Variants in ITGAE observed in about 807,000 individuals in gnomAD.
ITGAE encodes integrin alpha-E.
Under a neutral mutation model 136.5 loss-of-function variants are expected in ITGAE, and 99 were observed. The observed-to-expected ratio is 0.73, with a 90% CI of 0.62 to 0.86. ITGAE has a LOEUF of 0.86. Ranked by LOEUF, ITGAE falls within the 40% of genes least tolerant of loss-of-function variation. The pLI, the probability that ITGAE is intolerant of heterozygous loss-of-function variation, is 0.00. For synonymous variants in ITGAE, 613 were observed against 591.8 expected (o/e 1.04, Z -0.52); for missense variants, 1,447 against 1,515.3 (o/e 0.95, Z 0.75).
At position 3,798,426 on chromosome 17, in the gene ITGAE, C is replaced by G. The variant is rs2053174064; in HGVS notation, c.34+2685G>C. 6.6e-6 allele frequency among the ~76,000 whole-genome samples: 1 copy of G among 152,120 alleles called. No homozygotes were observed. The highest frequency in any genetic ancestry group is 2.4e-5 in the African/African-American group (1 of 41,410). ...CCCACTCACACTTCGCCTCCATCTTCCTACAAACCAGACTCTTCACACCCC... is the reference window on the plus strand; with the variant it reads ...CCCACTCACACTTCGCCTCCATCTTGCTACAAACCAGACTCTTCACACCCC... On this transcript the variant is annotated intron_variant, in intron 1 of 30. Transcript: ENST00000263087. This position sits in a 1 kb window ranked among gnomAD's most constrained non-coding sequence, Gnocchi z 4.3.
chr17:3,731,498 C>T (rs570761827), intron 22 of ITGAE, among the ~76,000 whole-genome samples: 49 of 151,816 alleles, frequency 3.2e-4, no homozygotes, highest in African/African-American at 9.4e-4. Context: ...CGCACCACCA[C>T]GCCCAGCTAA....
At chr17:3,795,640 G>A (rs1343198464) in intron 1 of ITGAE, among the ~76,000 whole-genome samples, 1 of 152,230 alleles carries the variant, frequency 6.6e-6, no homozygotes, top group African/African-American at 2.4e-5. Context: ...GGTCACAAAT[G>A]GCCTCAAGAA....
In ITGAE at chr17:3,782,274, C is replaced by CA. The variant is rs61341691; in HGVS notation, c.35-4615dup. ...CGGGTGAGAGAGTGAGACTCGGCCT[C>CA]AAAAAAAAAAAAAAAAAAAAAAAAA... On this transcript the variant is annotated intron_variant, in intron 1 of 30. Transcript: ENST00000263087. Among the ~76,000 whole-genome samples the CA allele has an allele frequency of 1.8e-3, 83 of 47,294 alleles. 6 individuals carry two copies. The highest frequency in any genetic ancestry group is 2.0e-3 in the Non-Finnish European group (59 of 28,980). 31.0% of individuals were successfully genotyped at this position (47,294 alleles called of 152,430 possible). A position where few individuals can be genotyped will look rare whatever the true frequency, so the allele number is the denominator to read the frequency against.
At chr17:3,779,648 C>T (rs533389486) in intron 1 of ITGAE, among the ~76,000 whole-genome samples, 2 of 152,132 alleles carry the variant, frequency 1.3e-5, no homozygotes, top group South Asian at 2.1e-4. Context: ...CTTTAAAATG[C>T]ATCAAAATAT....
intron 1 of ITGAE, among the ~76,000 whole-genome samples, chr17:3,791,672 T>A (rs1240008954): frequency 6.6e-6 from 1 of 152,158 alleles, no homozygotes; most frequent in Non-Finnish European, 1.5e-5. Flanking sequence ...TCTGAAACAT[T>A]AGCGTGCAAA....
intron 1 of ITGAE, among the ~76,000 whole-genome samples, chr17:3,796,708 G>A (rs2053113510): frequency 6.6e-6 from 1 of 152,016 alleles, no homozygotes. Flanking sequence ...GAGGCCTGCT[G>A]AGTCAGACCG....
At chr17:3,779,791 A>C (rs889564841) in intron 1 of ITGAE, among the ~76,000 whole-genome samples, 8 of 152,150 alleles carry the variant, frequency 5.3e-5, no homozygotes, top group Non-Finnish European at 1.2e-4. Flanking sequence ...ATATATTTGA[A>C]ATTTTTCATT....
intron 5 of ITGAE, 47 bp downstream of exon 5, chr17:3,761,353 AAGG>A (rs773796585): frequency 1.5e-5 from 24 of 1,556,640 alleles, no homozygotes; most frequent in Non-Finnish European, 2.0e-5. Flanking sequence ...CTTGGAGACC[AAGG>A]AGATCTCTTT....
At chr17:3,753,512 C>T in intron 13 of ITGAE, 82 bp from the exon 14 acceptor site, 2 of 1,511,866 alleles carry the variant, frequency 1.3e-6, no homozygotes, top group Non-Finnish European at 1.8e-6. Context: ...CCGCGTGCTT[C>T]CTGGACCACC....
At chr17:3,725,801 G>C (rs1488939274) in intron 26 of ITGAE, 1 of 1,609,160 alleles carries the variant, frequency 6.2e-7, no homozygotes, top group South Asian at 1.1e-5. Context: ...TGTCTTCCTT[G>C]GCTACTGCAA....
At chr17:3,743,369 C>T (rs2143015352) in intron 19 of ITGAE, 120 bp downstream of exon 19, 2 of 1,173,104 alleles carry the variant, frequency 1.7e-6, no homozygotes, top group Non-Finnish European at 2.4e-6. Flanking sequence ...CGGTGAGGGG[C>T]CCAAATGCCG....
intron 1 of ITGAE, among the ~76,000 whole-genome samples, chr17:3,796,155 G>A (rs1233135197): frequency 3.7e-5 from 5 of 133,552 alleles, no homozygotes; most frequent in African/African-American, 1.5e-4. Flanking sequence ...ATCCGTGTGT[G>A]TGTGTGTGTG....
chr17:3,727,467 T>C (rs1311798607), intron 26 of ITGAE, among the ~76,000 whole-genome samples: 1 of 151,698 alleles, frequency 6.6e-6, no homozygotes, highest in Non-Finnish European at 1.5e-5. Flanking sequence ...TGGCAGGATC[T>C]CGGCTCACTG....
chr17:3,776,586 T>G (rs536928655), intron 2 of ITGAE, among the ~76,000 whole-genome samples: 35 of 152,204 alleles, frequency 2.3e-4, no homozygotes, highest in African/African-American at 8.2e-4. Context: ...AGTTTCAGGG[T>G]TTTTGTTCTG....
chr17:3,738,489 C>T (rs2051511736), intron 20 of ITGAE, among the ~76,000 whole-genome samples: 1 of 152,120 alleles, frequency 6.6e-6, no homozygotes. Flanking sequence ...TCTAAGACCA[C>T]TACATGTCTA....
intron 4 of ITGAE, 118 bp from the exon 5 acceptor site, chr17:3,761,638 A>G (rs1409009111): frequency 1.2e-5 from 11 of 932,332 alleles, no homozygotes; most frequent in African/African-American, 1.6e-5. Flanking sequence ...GGGCACAGGA[A>G]GAGCTGGCCC....
chr17:3,759,634 GA>G, intron 7 of ITGAE, 81 bp from the exon 8 acceptor site: 1 of 1,515,054 alleles, frequency 6.6e-7, no homozygotes. Flanking sequence ...GGAAGCAGCA[GA>G]AAAATCCACT....
At position 3,759,493 on chromosome 17, in the gene ITGAE, T is replaced by C; in HGVS notation, c.775A>G (p.Ser259Gly). ...VIQTEFDLRD[S>G]QDVMASLARV... ...GCGAGGGAGGCCATCACATCCTGGC[T>C]GTCCCGAAGGTCAAACTCAGTCTGG... Residue 259 changes from serine to glycine, a missense_variant, in exon 8 of 31, where the codon AGC becomes GGC. This residue lies in a region of ITGAE where 310 missense variants were observed against 416.1 expected (regional missense o/e 0.74). Coordinates refer to ENST00000263087, the MANE Select transcript of ITGAE (RefSeq NM_002208.5). The C allele has an allele frequency of 6.2e-7, 1 of 1,614,226 alleles. No individual in the cohort carries two copies. The highest frequency in any genetic ancestry group is 1.1e-5 in the South Asian group (1 of 91,088).
chr17:3,776,054 C>CTTTTTTTTT (rs71153398), intron 2 of ITGAE, among the ~76,000 whole-genome samples: 5 of 122,826 alleles, frequency 4.1e-5, no homozygotes, highest in African/African-American at 1.3e-4. Flanking sequence ...GTGCTAAGCC[C>CTTTTTTTTT]TTTTTTTTTT....
Sources: gnomAD v4.1 joint callset for allele counts (sites outside exome capture counted in the v4.1 genomes callset) on GRCh38, gnomAD v4.1.1 for gene constraint, gnomAD v4.1.1 regional missense constraint, Gnocchi (gnomAD v3.1) non-coding constraint, MANE v1.5 for transcripts, NCBI Gene and HGNC (gene_info 2026-07-23, HGNC 2026-07-21) for gene names.